The following PERM1 variants were observed in gnomAD, a reference collection of about 807,000 sequenced individuals.
PERM1 encodes PGC-1 and ERR-induced regulator in muscle protein 1.
PERM1 carries 45 observed loss-of-function variants against 44.1 expected under a neutral mutation model. The observed-to-expected ratio is 1.02, with a 90% CI of 0.80 to 1.31. The LOEUF is 1.31. PERM1 is among the 50% of genes most tolerant of loss of function. The probability of loss-of-function intolerance (pLI) is 0.00; values close to 1 mark genes in which losing one functional copy is unlikely to be tolerated. For missense variants in PERM1, 1,189 were observed against 1,106.9 expected (o/e 1.07, Z -1.05); for synonymous variants, 565 against 477.1 (o/e 1.18, Z -2.40).
exon 1 of PERM1, chr1:979,385 G>C: frequency 6.6e-7 from 1 of 1,506,368 alleles, no homozygotes; most frequent in Admixed American, 2.3e-5. Context: ...TGGTGGGGCC[G>C]GGGCCCGACA....
chr1:980,769 C>T lies in PERM1; in HGVS notation c.261G>A (p.Arg87=). ...GGGCCAAGACAGGCTCACCCTGAGACCTGCTGACCGGCTGCTGTGTGGCCA... is the reference window on the plus strand; with the variant it reads ...GGGCCAAGACAGGCTCACCCTGAGATCTGCTGACCGGCTGCTGTGTGGCCA... Residue 87 remains arginine, a synonymous_variant, in exon 1 of 3, where the codon AGG becomes AGA. Transcript: ENST00000433179. The T allele has an allele frequency of 1.4e-6, 2 of 1,404,170 alleles. 1 individual carries two copies. The highest frequency in any genetic ancestry group is 3.4e-5 in the South Asian group (2 of 59,344). 87.0% of individuals were successfully genotyped at this position (1,404,170 alleles called of 1,614,324 possible).
At position 975,977 on chromosome 1, in the gene PERM1, C is replaced by T. The variant is rs572010801; in HGVS notation, c.*195G>A. On this transcript the variant is annotated 3_prime_UTR_variant, in exon 3 of 3. Transcript: ENST00000433179. ...CCACCCAGACTTTAGCACCTCCCTC[C>T]CAGGCGTGGGGAGTGGCCGTGGTCA... The T allele has an allele frequency of 5.1e-6, 3 of 588,436 alleles. No homozygotes were observed. In the African/African-American group the frequency reaches 5.8e-5, roughly 11 times the overall value. 36.5% of individuals were successfully genotyped at this position (588,436 alleles called of 1,614,324 possible).
upstream of PERM1, chr1:981,173 C>T (rs1643785934): frequency 1.3e-6 from 2 of 1,547,716 alleles, no homozygotes; most frequent in Non-Finnish European, 1.7e-6. Flanking sequence ...CCATCCATGC[C>T]CTGAAAGGAA....
chr1:980,098 C>T (rs866876428), exon 1 of PERM1: 1 of 1,549,006 alleles, frequency 6.5e-7, no homozygotes, highest in African/African-American at 1.4e-5. Flanking sequence ...AGCCATGTCC[C>T]TGTCAGGTTG....
At chr1:975,847 TA>T in exon 3 of PERM1, 3 of 314,346 alleles carry the variant, frequency 9.5e-6, no homozygotes, top group South Asian at 6.2e-5. Context: ...AACTTCTTAG[TA>T]AAATGACCTC....
At chr1:979,820 G>T (rs553918278) in exon 1 of PERM1, 1 of 1,550,202 alleles carries the variant, frequency 6.5e-7, no homozygotes, top group East Asian at 2.4e-5. Context: ...TTGGAGGCAG[G>T]TGTGGACACA....
upstream of PERM1, among the ~76,000 whole-genome samples, chr1:981,656 G>A (rs1361559048): frequency 2.0e-5 from 3 of 152,232 alleles, no homozygotes; most frequent in Admixed American, 6.5e-5. Flanking sequence ...AGGTGGTGCT[G>A]GCCAGAGCTG....
At chr1:976,243 A>C (rs1307144027) in exon 3 of PERM1, 4 of 1,534,532 alleles carry the variant, frequency 2.6e-6, no homozygotes. Context: ...CGGATGGCAG[A>C]GATGGTGCCG....
At position 979,717 on chromosome 1, in the gene PERM1, A is replaced by G. The variant is rs1172433413; in HGVS notation, c.1313T>C (p.Met438Thr). The change falls in exon 1 of 3, where the codon ATG becomes ACG. Residue 438 changes from methionine (M) to threonine (T), a missense_variant. Met to Thr is a moderately conservative substitution (Grantham distance 81, BLOSUM62 -1). Around this residue, in one of 3 missense-constraint regions of PERM1, gnomAD observed 900 missense variants for 760.4 expected, o/e 1.18. Coordinates refer to ENST00000433179, the Ensembl canonical transcript of PERM1. The stretch of plus-strand genomic sequence containing the variant: ...AGACACAAGCCCGCTGGACTCGGTC[A>G]TCCTCGGCACAGCCTCCGAGACAGG... 3.9e-6 allele frequency: 6 copies of G among 1,550,248 alleles called. No individual in the cohort carries two copies. The South Asian group carries it at 5.9e-5, about 15-fold the overall frequency.
At chr1:978,769 G>T in intron 1 of PERM1, 112 bp downstream of exon 2, 1 of 1,030,864 alleles carries the variant, frequency 9.7e-7, no homozygotes, top group Non-Finnish European at 1.4e-6. Context: ...TCCCCTGCTA[G>T]GGGATGACCC....
chr1:976,535 T>G, exon 2 of PERM1: 1 of 1,549,564 alleles, frequency 6.5e-7, no homozygotes, highest in Middle Eastern at 1.7e-4. Context: ...GGATCTGACG[T>G]CCTCACAGCC....
At chr1:980,807 C>T (rs1034732759) in exon 1 of PERM1, 33 of 1,399,334 alleles carry the variant, frequency 2.4e-5, no homozygotes, top group South Asian at 8.6e-5. Context: ...TCCTCCTCCT[C>T]GCAGCCCCGC....
chr1:980,087 C>T (rs1214592498), exon 1 of PERM1: 3 of 1,549,766 alleles, frequency 1.9e-6, no homozygotes, highest in African/African-American at 2.7e-5. Flanking sequence ...GGTGTAGACA[C>T]AGCCATGTCC....
Position 980,791 on chromosome 1 carries a change from G to T in PERM1, c.239C>A (p.Ala80Asp), listed in dbSNP as rs536117176. The stretch of plus-strand genomic sequence containing the variant: ...AGACCTGCTGACCGGCTGCTGTGTG[G>T]CCACGTCCTCCTCCTCGCAGCCCCG... Residue 80 changes from alanine (A) to aspartate (D), a missense_variant, in exon 1 of 3, where the codon GCC (alanine) becomes GAC (aspartate). Ala to Asp is a moderately radical substitution (Grantham distance 126). Transcript: ENST00000433179. The T allele has an allele frequency of 1.3e-4, 184 of 1,401,308 alleles. No homozygotes were observed. The African/African-American group carries it at 2.6e-3, about 20-fold the overall frequency. The allele number at this position is 1,401,308 out of a possible 1,614,324, so 86.8% of individuals were successfully genotyped here. A position where few individuals can be genotyped will look rare whatever the true frequency, so the allele number is the denominator to read the frequency against.
At chr1:975,833 C>T (rs762438702) in exon 3 of PERM1, 4 of 282,122 alleles carry the variant, frequency 1.4e-5, no homozygotes, top group Non-Finnish European at 2.7e-5. Context: ...TTCAGATAAA[C>T]AACAACTTCT....
intron 1 of PERM1, 23 bp from the exon 3 acceptor site, chr1:976,647 G>A: frequency 6.5e-7 from 1 of 1,548,418 alleles, no homozygotes. Context: ...CTCACCTTCA[G>A]CCCCACGGCT....
upstream of PERM1, chr1:981,955 T>G: frequency 1.1e-6 from 1 of 927,522 alleles, no homozygotes; most frequent in Non-Finnish European, 1.5e-6. Flanking sequence ...GCATGGTGGC[T>G]TCCCACCCAC....
At chr1:976,221 C>A (rs1022569727) in exon 3 of PERM1, 8 of 1,538,348 alleles carry the variant, frequency 5.2e-6, no homozygotes, top group Admixed American at 4.2e-5. Context: ...CCCCACCTGC[C>A]GGCGGAAGTA....
chr1:980,189 A>G (rs1277752339), exon 1 of PERM1: 7 of 1,550,406 alleles, frequency 4.5e-6, no homozygotes, highest in Non-Finnish European at 6.1e-6. Context: ...ACAGTCGTGG[A>G]CACTGTGTGC....
Sources: allele counts gnomAD v4.1 joint callset (sites outside exome capture counted in the v4.1 genomes callset), GRCh38; gene constraint gnomAD v4.1.1; regional missense constraint gnomAD v4.1.1; transcripts MANE v1.5; gene names NCBI Gene and HGNC (gene_info 2026-07-23, HGNC 2026-07-21).